The following KCNB2 variants were observed in gnomAD, a reference collection of about 807,000 sequenced individuals.
The protein encoded by KCNB2 is delayed rectifier potassium channel protein.
KCNB2 carries 15 observed loss-of-function variants against 61.5 expected under a neutral mutation model. That is an observed-to-expected ratio of 0.24 (90% CI 0.16 to 0.38). The LOEUF (loss-of-function observed/expected upper bound fraction) is 0.38. KCNB2 is among the 10% of genes least tolerant of loss of function. KCNB2 has a pLI of 1.00. For missense variants in KCNB2, 828 were observed against 1,125.2 expected, an observed-to-expected ratio of 0.74 and a Z score of 3.78; for synonymous variants, 457 against 446.0, an observed-to-expected ratio of 1.02 and a Z score of -0.31.
At chr8:72,713,119 GC>G (rs1807354172) in intron 2 of KCNB2, among the ~76,000 whole-genome samples, 1 of 152,160 alleles carries the variant, frequency 6.6e-6, no homozygotes, top group Non-Finnish European at 1.5e-5. Flanking sequence ...GGGGAGGGGC[GC>G]CCGCCATTGC....
chr8:72,648,989 T>C (rs192318362), intron 2 of KCNB2, among the ~76,000 whole-genome samples: 1 of 152,328 alleles, frequency 6.6e-6, no homozygotes, highest in East Asian at 1.9e-4. Flanking sequence ...TTTCTTGGAT[T>C]GCATACTTTT....
At chr8:72,882,218 G>A (rs1805721283) in intron 2 of KCNB2, among the ~76,000 whole-genome samples, 1 of 152,170 alleles carries the variant, frequency 6.6e-6, no homozygotes, top group Non-Finnish European at 1.5e-5. Flanking sequence ...GGGTGAAACA[G>A]TGCAGTGTTG....
intron 2 of KCNB2, among the ~76,000 whole-genome samples, chr8:72,907,658 A>G (rs1806202646): frequency 6.6e-6 from 1 of 152,268 alleles, no homozygotes; most frequent in Admixed American, 6.5e-5. Flanking sequence ...AGAAAATCAA[A>G]GCTGTGTTTA....
intron 2 of KCNB2, among the ~76,000 whole-genome samples, chr8:72,770,172 A>T (rs766887234): frequency 6.6e-6 from 1 of 152,226 alleles, no homozygotes; most frequent in Non-Finnish European, 1.5e-5. Flanking sequence ...CAACTAAAAA[A>T]TATGCCTTCA....
intron 1 of KCNB2, among the ~76,000 whole-genome samples, chr8:72,553,774 A>C (rs1344233969): frequency 6.6e-6 from 1 of 152,182 alleles, no homozygotes; most frequent in Non-Finnish European, 1.5e-5. Flanking sequence ...TATGAAGCTA[A>C]AGTAGAATAT....
intron 2 of KCNB2, among the ~76,000 whole-genome samples, chr8:72,683,402 A>T (rs1806796185): frequency 6.6e-6 from 1 of 152,212 alleles, no homozygotes; most frequent in Non-Finnish European, 1.5e-5. Flanking sequence ...ATCCATTTTT[A>T]TTTGAAGTAG....
At chr8:72,787,120 C>A (rs1188965050) in intron 2 of KCNB2, among the ~76,000 whole-genome samples, 1 of 152,126 alleles carries the variant, frequency 6.6e-6, no homozygotes, top group Admixed American at 6.5e-5. Flanking sequence ...AAATGATAAG[C>A]ACTTTGCCTA....
At chr8:72,660,796 T>G (rs1477404455) in intron 2 of KCNB2, 1 of 152,184 alleles carries the variant, frequency 6.6e-6, no homozygotes, top group African/African-American at 2.4e-5. Flanking sequence ...TCTGTTTTTA[T>G]GAGTTAAACT....
intron 2 of KCNB2, among the ~76,000 whole-genome samples, chr8:72,882,858 T>TA (rs1425388078): frequency 2.0e-5 from 3 of 152,198 alleles, no homozygotes; most frequent in African/African-American, 7.2e-5. Context: ...TTCACATTTT[T>TA]AAAAAGAATT....
intron 2 of KCNB2, among the ~76,000 whole-genome samples, chr8:72,738,360 G>A (rs1292816159): frequency 1.3e-5 from 2 of 152,088 alleles, no homozygotes; most frequent in African/African-American, 4.8e-5. Flanking sequence ...TAGGCAGGAA[G>A]CCCCTCTGGG....
chr8:72,586,272 T>A (rs1585767731), intron 2 of KCNB2, among the ~76,000 whole-genome samples: 1 of 152,256 alleles, frequency 6.6e-6, no homozygotes, highest in Non-Finnish European at 1.5e-5. Flanking sequence ...CTTTGAGGAA[T>A]GAAAAGATTC....
chr8:72,778,793 A>G (rs1450210632), intron 2 of KCNB2, among the ~76,000 whole-genome samples: 1 of 149,908 alleles, frequency 6.7e-6, no homozygotes, highest in African/African-American at 2.4e-5. Flanking sequence ...AAAAGAAAAG[A>G]AAAAGAAAAA....
chr8:72,900,948 GC>G (rs1806080045), intron 2 of KCNB2, among the ~76,000 whole-genome samples: 1 of 152,276 alleles, frequency 6.6e-6, no homozygotes, highest in African/African-American at 2.4e-5. Context: ...TTCTCAAAGA[GC>G]TTAAAACAGA....
At chr8:72,561,789 A>ATATATATG (rs1491494090) in intron 1 of KCNB2, among the ~76,000 whole-genome samples, 5,214 of 33,420 alleles carry the variant, frequency 0.16, 1,400 homozygotes, top group Admixed American at 0.23. Context: ...ATATATATAT[A>ATATATATG]CATATATATA....
chr8:72,725,929 T>C (rs1219660385), intron 2 of KCNB2, among the ~76,000 whole-genome samples: 1 of 152,116 alleles, frequency 6.6e-6, no homozygotes, highest in East Asian at 1.9e-4. Flanking sequence ...TCTATAAATT[T>C]ATGCCAAGTA....
chr8:72,706,787 T>C (rs1264934165), intron 2 of KCNB2, among the ~76,000 whole-genome samples: 1 of 152,168 alleles, frequency 6.6e-6, no homozygotes. Flanking sequence ...AAAATAACAA[T>C]TGGGCCTTAT....
At chr8:72,651,549 G>C (rs1295930406) in intron 2 of KCNB2, among the ~76,000 whole-genome samples, 1 of 152,082 alleles carries the variant, frequency 6.6e-6, no homozygotes, top group Admixed American at 6.6e-5. Flanking sequence ...AATGGAGGCA[G>C]TGCTGAGCCA....
At chr8:72,600,831 C>A (rs1805337147) in intron 2 of KCNB2, among the ~76,000 whole-genome samples, 1 of 151,874 alleles carries the variant, frequency 6.6e-6, no homozygotes, top group Non-Finnish European at 1.5e-5. Context: ...ATACTAGGGC[C>A]TACCAGTAGG....
At chr8:72,640,373 G>C (rs1332882378) in intron 2 of KCNB2, among the ~76,000 whole-genome samples, 1 of 151,738 alleles carries the variant, frequency 6.6e-6, no homozygotes, top group African/African-American at 2.4e-5. Context: ...CCAATCCTCT[G>C]TTTTGCTGGT....
Sources: allele counts gnomAD v4.1 joint callset (sites outside exome capture counted in the v4.1 genomes callset), GRCh38; gene constraint gnomAD v4.1.1; transcripts MANE v1.5; gene names NCBI Gene and HGNC (gene_info 2026-07-23, HGNC 2026-07-21).